The following ZNHIT3 variants were observed in gnomAD, a reference collection of about 807,000 sequenced individuals.
ZNHIT3 encodes zinc finger HIT domain-containing protein 3.
In ZNHIT3, 27 loss-of-function variants were observed where a neutral mutation model predicts 19.9. The observed-to-expected ratio is 1.36, with a 90% CI of 1.00 to 1.87. The LOEUF is 1.87. Among genes scored for constraint, ZNHIT3 ranks in the 40% most tolerant of loss-of-function variants. The probability of loss-of-function intolerance (pLI) is 0.00; values close to 1 mark genes in which losing one functional copy is unlikely to be tolerated. For synonymous variants in ZNHIT3, 81 were observed against 65.7 expected, an observed-to-expected ratio of 1.23 and a Z score of -1.13; for missense variants, 215 against 185.6, an observed-to-expected ratio of 1.16 and a Z score of -0.92.
At chr17:36,498,576 C>T, downstream of ZNHIT3, 1 of 1,593,692 alleles carries the variant, frequency 6.3e-7, no homozygotes, top group South Asian at 1.1e-5. Context: ...AAGCAAATAT[C>T]CCTTTATAGC....
At chr17:36,496,154 A>G, downstream of ZNHIT3, 2 of 1,475,520 alleles carry the variant, frequency 1.4e-6, no homozygotes, top group African/African-American at 2.8e-5. Context: ...GTGCATTTGG[A>G]GCACTGTGGG....
At chr17:36,496,023 C>A (rs2070935455), downstream of ZNHIT3, 5 of 796,680 alleles carry the variant, frequency 6.3e-6, no homozygotes, top group Non-Finnish European at 9.2e-6. Flanking sequence ...TTTCTTAACC[C>A]TGATTTGGTA....
downstream of ZNHIT3, chr17:36,498,598 C>G: frequency 1.3e-6 from 2 of 1,556,154 alleles, no homozygotes; most frequent in Non-Finnish European, 8.7e-7. Flanking sequence ...TTAGATTTAT[C>G]TAGCCCTCTT....
Position 36,495,696 on chromosome 17 carries a change from A to ACACTT in ZNHIT3, c.*295_*299dup. The ACACTT allele has an allele frequency of 7.9e-7, 1 of 1,261,538 alleles. No homozygotes were observed. The highest frequency in any genetic ancestry group is 9.9e-7 in the Non-Finnish European group (1 of 1,005,520). 78.1% of individuals were successfully genotyped at this position (1,261,538 alleles called of 1,614,324 possible). A position where few individuals can be genotyped will look rare whatever the true frequency, so the allele number is the denominator to read the frequency against. On this transcript the variant is annotated 3_prime_UTR_variant, in exon 5 of 5. Transcript: ENST00000617429. Reference sequence around the variant, plus strand: ...AGACATCATAAACGATATCAAGCTTACACTTCATATGGAGTTAAACTTGGT... The same window carrying ACACTT: ...AGACATCATAAACGATATCAAGCTTACACTTCACTTCATATGGAGTTAAACTTGGT...
chr17:36,491,179 G>C (rs1351474293), intron 2 of ZNHIT3: 3 of 151,968 alleles, frequency 2.0e-5, no homozygotes, highest in African/African-American at 7.3e-5. Flanking sequence ...TTTCTTTCTT[G>C]ATATTCTTTG....
chr17:36,493,813 T>A, intron 3 of ZNHIT3, 113 bp from the exon 4 acceptor site: 1 of 734,292 alleles, frequency 1.4e-6, no homozygotes, highest in Non-Finnish European at 2.4e-6. Context: ...TGAATACCCC[T>A]ATCACTATCA....
At chr17:36,486,887 G>A in intron 1 of ZNHIT3, 48 bp from the exon 2 acceptor site, 1 of 1,594,962 alleles carries the variant, frequency 6.3e-7, no homozygotes, top group African/African-American at 1.4e-5. Context: ...TGCTGGAGGG[G>A]CCGGGGACCC....
downstream of ZNHIT3, chr17:36,496,386 G>T: frequency 6.2e-7 from 1 of 1,614,020 alleles, no homozygotes; most frequent in Non-Finnish European, 8.5e-7. Flanking sequence ...GAGACTTTCT[G>T]CAGTGAAACT....
intron 2 of ZNHIT3, chr17:36,489,523 C>T (rs1422304403): frequency 6.6e-6 from 1 of 152,036 alleles, no homozygotes; most frequent in East Asian, 1.9e-4. Context: ...GTGGTCTTGA[C>T]TTGCATGTCC....
chr17:36,487,762 G>A (rs570587243), intron 2 of ZNHIT3, among the ~76,000 whole-genome samples: 1 of 150,410 alleles, frequency 6.6e-6, no homozygotes. Context: ...CTGCACTCCA[G>A]CCTGGGCTAC....
At chr17:36,493,035 C>G in intron 3 of ZNHIT3, 136 bp downstream of exon 3, 2 of 784,144 alleles carry the variant, frequency 2.6e-6, no homozygotes, top group South Asian at 3.0e-5. Flanking sequence ...TAGCCTTGAG[C>G]ATCAGGAGTG....
chr17:36,495,197 T>G lies in ZNHIT3; in HGVS notation c.287-26T>G, dbSNP rs187763747. On this transcript the variant is annotated intron_variant, in intron 4 of 4. Coordinates refer to ENST00000617429, the MANE Select transcript of ZNHIT3 (RefSeq NM_004773.4). ...CATGTGTTTCCACTTGAACTCAGAC[T>G]GGCTTTTTTTCTTGTTAATTTTTAG... 4 of 1,545,054 alleles carry G rather than the reference T, an allele frequency of 2.6e-6. No individual in the cohort carries two copies. The Admixed American group carries it at 6.6e-5, about 25-fold the overall frequency.
chr17:36,487,537 T>A (rs2070601852), intron 2 of ZNHIT3, among the ~76,000 whole-genome samples: 1 of 152,252 alleles, frequency 6.6e-6, no homozygotes, highest in Non-Finnish European at 1.5e-5. Flanking sequence ...CTCACGCCTG[T>A]GGTCCCGGCA....
At chr17:36,488,621 A>G (rs2070647226) in intron 2 of ZNHIT3, among the ~76,000 whole-genome samples, 1 of 152,122 alleles carries the variant, frequency 6.6e-6, no homozygotes, top group African/African-American at 2.4e-5. Flanking sequence ...ACTGTATGTT[A>G]TTTCATTATA....
downstream of ZNHIT3, chr17:36,498,848 T>C: frequency 5.1e-6 from 3 of 592,230 alleles, no homozygotes; most frequent in Admixed American, 8.9e-5. Flanking sequence ...ATCCCAGAGT[T>C]TGGTATATTC....
downstream of ZNHIT3, chr17:36,498,266 C>G (rs747539948): frequency 6.2e-7 from 1 of 1,609,862 alleles, no homozygotes; most frequent in Non-Finnish European, 8.5e-7. Context: ...CACAACGTAC[C>G]TGAGGCAGCG....
chr17:36,488,679 TTC>T (rs1253092388), intron 2 of ZNHIT3, among the ~76,000 whole-genome samples: 1 of 152,244 alleles, frequency 6.6e-6, no homozygotes. Flanking sequence ...TGGTTGATTT[TTC>T]TTTTTAATAT....
chr17:36,490,561 A>T (rs900104291), intron 2 of ZNHIT3: 2 of 152,044 alleles, frequency 1.3e-5, no homozygotes, highest in African/African-American at 4.8e-5. Context: ...TGCTTTGGCT[A>T]TTGGGGGTCT....
chr17:36,492,079 C>T (rs2070739592), intron 2 of ZNHIT3: 1 of 152,280 alleles, frequency 6.6e-6, no homozygotes. Flanking sequence ...ATGACTAGAA[C>T]CTTTCCGTAG....
Sources: gnomAD v4.1 joint callset for allele counts (sites outside exome capture counted in the v4.1 genomes callset) on GRCh38, gnomAD v4.1.1 for gene constraint, MANE v1.5 for transcripts, NCBI Gene and HGNC (gene_info 2026-07-23, HGNC 2026-07-21) for gene names.